ENTPD1: variants seen among roughly 807,000 people sequenced by gnomAD.
ENTPD1 encodes the protein ATP diphosphohydrolase.
In ENTPD1, 33 loss-of-function variants were observed where a neutral mutation model predicts 57.0. The ratio of observed to expected loss-of-function variants is 0.58; its 90% CI spans 0.44 to 0.77. The LOEUF is 0.77. ENTPD1 is among the 30% of genes least tolerant of loss of function. The probability of loss-of-function intolerance (pLI) is 0.00; values close to 1 mark genes in which losing one functional copy is unlikely to be tolerated. For missense variants in ENTPD1, 501 were observed against 603.4 expected (o/e 0.83, Z 1.78); for synonymous variants, 202 against 218.8 (o/e 0.92, Z 0.68).
chr10:95,787,029 A>G (rs747230348), intron 1 of ENTPD1, among the ~76,000 whole-genome samples: 8 of 152,232 alleles, frequency 5.3e-5, no homozygotes, highest in Non-Finnish European at 1.2e-4. Flanking sequence ...TCAAGATCCC[A>G]GAGCTAGTAA....
chr10:95,724,228 C>T (rs897707622), intron 1 of ENTPD1, among the ~76,000 whole-genome samples: 6 of 150,648 alleles, frequency 4.0e-5, no homozygotes, highest in East Asian at 2.0e-4. Flanking sequence ...TTAAGTCCAG[C>T]GGCCACACTA....
chr10:95,774,457 G>A (rs2098126357), intron 1 of ENTPD1, among the ~76,000 whole-genome samples: 1 of 152,166 alleles, frequency 6.6e-6, no homozygotes, highest in South Asian at 2.1e-4. Flanking sequence ...GGTTTTCCTG[G>A]TTTTAGGTCT....
chr10:95,845,701 A>C lies in ENTPD1; in HGVS notation c.813+105A>C. 3 of 1,605,240 alleles carry C rather than the reference A, an allele frequency of 1.9e-6. No individual in the cohort carries two copies. The South Asian group carries it at 3.3e-5, about 18-fold the overall frequency. On this transcript the variant is annotated intron_variant, in intron 6 of 9. Coordinates refer to ENST00000371205, the MANE Select transcript of ENTPD1 (RefSeq NM_001776.6). ...TTCAGTAGTTTGTCTGAACTTGGTT[A>C]TTGTACTTTCCAAACCTTTTTAGGC...
intron 2 of ENTPD1, among the ~76,000 whole-genome samples, chr10:95,834,230 G>A (rs555195512): frequency 1.1e-4 from 16 of 152,148 alleles, no homozygotes; most frequent in African/African-American, 2.2e-4. Context: ...ATATACCATC[G>A]TGGATGCTGT....
At chr10:95,742,428 T>G (rs1329744064) in intron 1 of ENTPD1, among the ~76,000 whole-genome samples, 1 of 152,062 alleles carries the variant, frequency 6.6e-6, no homozygotes, top group East Asian at 1.9e-4. Context: ...GTCCTCCCCC[T>G]AGAGTTGCTG....
chr10:95,854,938 G>A (rs568526944), intron 7 of ENTPD1, among the ~76,000 whole-genome samples: 2 of 152,300 alleles, frequency 1.3e-5, no homozygotes, highest in South Asian at 4.1e-4. Context: ...TTCTGTAGAT[G>A]TCTATCTATT....
At position 95,867,003 on chromosome 10, in the gene ENTPD1, G is replaced by C; in HGVS notation, c.*620G>C. 1 of 993,222 alleles carries C rather than the reference G, an allele frequency of 1.0e-6. No homozygotes were observed. Among genetic ancestry groups the C allele is most frequent in the Non-Finnish European group, 1.2e-6 (1 of 834,190 alleles). 61.5% of individuals were successfully genotyped at this position (993,222 alleles called of 1,614,324 possible). A position where few individuals can be genotyped will look rare whatever the true frequency, so the allele number is the denominator to read the frequency against. ...TCTCAATCCCACCCAAAGCAGGTAT[G>C]TCAATAAATCACATATTCCTAGGTG... On this transcript the variant is annotated 3_prime_UTR_variant, in exon 10 of 10. Transcript: ENST00000371205.
At chr10:95,789,076 T>C (rs554730227) in intron 1 of ENTPD1, among the ~76,000 whole-genome samples, 2 of 152,304 alleles carry the variant, frequency 1.3e-5, no homozygotes, top group South Asian at 4.1e-4. Flanking sequence ...TGATCATGGA[T>C]GATGCAAAGG....
intron 1 of ENTPD1, among the ~76,000 whole-genome samples, chr10:95,768,518 T>TCTC (rs1326873440): frequency 8.6e-6 from 1 of 116,134 alleles, no homozygotes; most frequent in Non-Finnish European, 1.9e-5. Flanking sequence ...CTCTCTCTCT[T>TCTC]TCTTTCTCCT....
At chr10:95,756,093 G>T, upstream of ENTPD1, 1 of 1,520,662 alleles carries the variant, frequency 6.6e-7, no homozygotes, top group South Asian at 1.3e-5. Context: ...CCGAAACGGG[G>T]CCGGCTAATT....
In ENTPD1 at chr10:95,721,254, C is replaced by T. The variant is rs145508812; in HGVS notation, c.37+9261C>T. Among the ~76,000 whole-genome samples, 368 of 152,288 alleles carry T rather than the reference C, an allele frequency of 2.4e-3. 4 individuals are homozygous for T. The highest frequency in any genetic ancestry group is 8.3e-3 in the African/African-American group (343 of 41,550). On this transcript the variant is annotated intron_variant, in intron 1 of 9. Coordinates refer to the ENTPD1 transcript ENST00000453258. ...TCCTAGGTTTCCCTAGTCCTACTAG[C>T]ACATAAGTTAGCAAATGTCTGTGGC...
Position 95,870,237 on chromosome 10 carries a change from T to A in ENTPD1, c.*3854T>A, listed in dbSNP as rs758808610. On this transcript the variant is annotated 3_prime_UTR_variant, in exon 10 of 10. Transcript: ENST00000371205. ...GTTTCATCTGGATTTAAAGATTAAT[T>A]CTTGATGCTTACATTCCATACTCAA... The A allele has an allele frequency of 1.0e-6, 1 of 985,284 alleles. No individual in the cohort carries two copies. The highest frequency in any genetic ancestry group is 6.1e-5 in the Admixed American group (1 of 16,270). The allele number at this position is 985,284 out of a possible 1,614,324, so 61.0% of individuals were successfully genotyped here.
chr10:95,806,105 C>T (rs893273620), intron 1 of ENTPD1, among the ~76,000 whole-genome samples: 4 of 152,240 alleles, frequency 2.6e-5, no homozygotes, highest in East Asian at 1.9e-4. Context: ...TGGTTCCATT[C>T]TCCCTGTCAC....
intron 1 of ENTPD1, among the ~76,000 whole-genome samples, chr10:95,802,244 G>A (rs975378612): frequency 6.6e-6 from 1 of 152,184 alleles, no homozygotes; most frequent in Admixed American, 6.5e-5. Flanking sequence ...AATTGCTTGA[G>A]TTTGTCAAAA....
At position 95,874,613 on chromosome 10, in the gene ENTPD1, C is replaced by A. The variant is rs2098483933; in HGVS notation, c.*8230C>A. Among the ~76,000 whole-genome samples the A allele has an allele frequency of 6.6e-6, 1 of 152,236 alleles. No homozygotes were observed. Among genetic ancestry groups the A allele is most frequent in the African/African-American group, 2.4e-5 (1 of 41,458 alleles). On this transcript the variant is annotated 3_prime_UTR_variant, in exon 10 of 10. Coordinates refer to ENST00000371205, the MANE Select transcript of ENTPD1 (RefSeq NM_001776.6). ...TTCTGGGACTGTGGCCTTCTTCTCA[C>A]AGCTCCACTAGGCAGTGCCCCAACA... is the stretch of plus-strand genomic sequence containing the variant.
chr10:95,758,222 A>T (rs1396575546), intron 1 of ENTPD1, among the ~76,000 whole-genome samples: 1 of 151,682 alleles, frequency 6.6e-6, no homozygotes, highest in Non-Finnish European at 1.5e-5. Context: ...CCTATCTGGT[A>T]CTCTGCTTCC....
intron 1 of ENTPD1, among the ~76,000 whole-genome samples, chr10:95,723,102 T>C (rs1378008488): frequency 6.6e-6 from 1 of 152,342 alleles, no homozygotes; most frequent in Non-Finnish European, 1.5e-5. Flanking sequence ...GTGGTCTCAG[T>C]GTTTTCAGGC....
Position 95,869,084 on chromosome 10 carries a change from C to T in ENTPD1, c.*2701C>T. ...ATATTGGATTGGCCATTGGTTATCA[C>T]TGATTACCATTCTCCCCTGGATTTT... On this transcript the variant is annotated 3_prime_UTR_variant, in exon 10 of 10. Coordinates refer to ENST00000371205, the MANE Select transcript of ENTPD1 (RefSeq NM_001776.6). 1.0e-6 allele frequency: 1 copy of T among 985,248 alleles called. No individual in the cohort carries two copies. Among genetic ancestry groups the T allele is most frequent in the Non-Finnish European group, 1.2e-6 (1 of 829,908 alleles). 61.0% of individuals were successfully genotyped at this position (985,248 alleles called of 1,614,324 possible).
intron 1 of ENTPD1, among the ~76,000 whole-genome samples, chr10:95,808,264 A>C (rs2098281434): frequency 6.6e-6 from 1 of 152,196 alleles, no homozygotes; most frequent in Non-Finnish European, 1.5e-5. Context: ...CGCAGGGATA[A>C]AGGCTACTTG....
Sources: allele counts gnomAD v4.1 joint callset (sites outside exome capture counted in the v4.1 genomes callset), GRCh38; gene constraint gnomAD v4.1.1; transcripts MANE v1.5; gene names NCBI Gene and HGNC (gene_info 2026-07-23, HGNC 2026-07-21).